MTOR: variants seen among roughly 807,000 people sequenced by gnomAD.
MTOR encodes mechanistic target of rapamycin kinase, also known as serine/threonine-protein kinase mTOR.
MTOR carries 70 observed loss-of-function variants against 319.8 expected under a neutral mutation model. That is an observed-to-expected ratio of 0.22 (90% CI 0.18 to 0.27). The LOEUF is 0.27. Ranked by LOEUF, MTOR falls within the 10% of genes least tolerant of loss-of-function variation. The pLI is 1.00. For missense variants in MTOR, 1,890 were observed against 3,274.4 expected, an observed-to-expected ratio of 0.58 and a Z score of 10.32; for synonymous variants, 1,183 against 1,211.4, an observed-to-expected ratio of 0.98 and a Z score of 0.49.
intron 16 of MTOR, 81 bp from the exon 17 acceptor site, chr1:11,231,515 T>C: frequency 2.0e-6 from 3 of 1,528,960 alleles, no homozygotes; most frequent in East Asian, 2.3e-5. Flanking sequence ...ATAATGATTA[T>C]AATGAAGTGT....
chr1:11,163,766 T>C (rs76603090), intron 29 of MTOR, among the ~76,000 whole-genome samples: 8,988 of 152,216 alleles, frequency 0.059, 372 homozygotes, highest in South Asian at 0.12. Flanking sequence ...CCAGAATCTA[T>C]GGGATACATT....
intron 30 of MTOR, among the ~76,000 whole-genome samples, chr1:11,156,493 CCT>C (rs1397849881): frequency 6.6e-6 from 1 of 152,088 alleles, no homozygotes; most frequent in African/African-American, 2.4e-5. Flanking sequence ...ACCTGGAGTA[CCT>C]GTTTCCCCCC....
chr1:11,167,987 G>A (rs907514543), intron 28 of MTOR, among the ~76,000 whole-genome samples: 10 of 151,882 alleles, frequency 6.6e-5, no homozygotes, highest in Non-Finnish European at 1.5e-4. Context: ...GGAGAATGGC[G>A]TGAACCTGGG....
In MTOR at chr1:11,228,932, A is replaced by T. The variant is rs1358143096; in HGVS notation, c.2780-14T>A. On this transcript the variant is annotated splice_polypyrimidine_tract_variant and intron_variant, in intron 18 of 57. Coordinates refer to ENST00000361445, the MANE Select transcript of MTOR (RefSeq NM_004958.4). ...TGCTATAGTCAGCTAGGACAAAACA[A>T]CAGAGAGTGTTAGAGCTACACATGG... The T allele has an allele frequency of 6.2e-7, 1 of 1,613,684 alleles. No individual in the cohort carries two copies. The highest frequency in any genetic ancestry group is 1.3e-5 in the African/African-American group (1 of 75,050).
chr1:11,262,180 G>C (rs1267368965), intron 1 of MTOR, among the ~76,000 whole-genome samples: 2 of 152,204 alleles, frequency 1.3e-5, no homozygotes, highest in African/African-American at 4.8e-5. Flanking sequence ...AGACCCAAAG[G>C]GCAATACCAG....
At chr1:11,250,492 C>A (rs944734545) in intron 6 of MTOR, among the ~76,000 whole-genome samples, 3 of 152,196 alleles carry the variant, frequency 2.0e-5, no homozygotes, top group African/African-American at 7.2e-5. Context: ...CCTGGCTTCT[C>A]AGACTCTAAA....
At chr1:11,222,539 C>T (rs1223668448) in intron 19 of MTOR, among the ~76,000 whole-genome samples, 1 of 151,984 alleles carries the variant, frequency 6.6e-6, no homozygotes, top group Non-Finnish European at 1.5e-5. Flanking sequence ...TTTTGCTATG[C>T]TGCCCAGGTT....
chr1:11,201,918 C>CT, intron 26 of MTOR, among the ~76,000 whole-genome samples: 1 of 152,108 alleles, frequency 6.6e-6, no homozygotes, highest in African/African-American at 2.4e-5. Flanking sequence ...AGTAATCCCC[C>CT]CGCCTTAGCC....
rs1216317039 is a variant in MTOR at position 11,133,123 on chromosome 1, T to C, written c.5321A>G (p.Gln1774Arg). ...INESTIPKVLQYYSAATEHDR... is the reference protein window; with the variant it reads ...INESTIPKVLRYYSAATEHDR... ...GTGCTCTGTGGCGGCGCTGTAGTAC[T>C]GCAGCACTTTGGGGATTGTGCTCTC... The change falls in exon 38 of 58, where the codon CAG becomes CGG. Residue 1774 changes from glutamine to arginine, a missense_variant. Coordinates refer to ENST00000361445, the MANE Select transcript of MTOR (RefSeq NM_004958.4). This position sits in a 1 kb window ranked among gnomAD's most constrained non-coding sequence, Gnocchi z 4.0. 1 of 1,614,204 alleles carries C rather than the reference T, an allele frequency of 6.2e-7. No homozygotes were observed. The highest frequency in any genetic ancestry group is 8.5e-7 in the Non-Finnish European group (1 of 1,180,034).
At chr1:11,137,357 A>C (rs925241327) in intron 36 of MTOR, among the ~76,000 whole-genome samples, 1 of 152,096 alleles carries the variant, frequency 6.6e-6, no homozygotes, top group Non-Finnish European at 1.5e-5. Flanking sequence ...TGGTGGACTT[A>C]ATAAGGAGCT....
intron 32 of MTOR, among the ~76,000 whole-genome samples, chr1:11,145,595 A>C (rs890461902): frequency 6.7e-6 from 1 of 149,980 alleles, no homozygotes; most frequent in African/African-American, 2.5e-5. Flanking sequence ...ATGTTGGTTC[A>C]AGCGATTCTC....
At chr1:11,243,738 C>T (rs1439663241) in intron 8 of MTOR, among the ~76,000 whole-genome samples, 2 of 150,922 alleles carry the variant, frequency 1.3e-5, no homozygotes, top group Non-Finnish European at 2.9e-5. Flanking sequence ...AACAATATCA[C>T]AGAATTGTCT....
chr1:11,153,946 G>A (rs1644231354), intron 30 of MTOR, among the ~76,000 whole-genome samples: 1 of 151,252 alleles, frequency 6.6e-6, no homozygotes, highest in Non-Finnish European at 1.5e-5. Flanking sequence ...GTGCATGCCT[G>A]TAATCCCAGC....
chr1:11,205,219 C>A (rs1646099972), intron 25 of MTOR, among the ~76,000 whole-genome samples: 1 of 152,312 alleles, frequency 6.6e-6, no homozygotes, highest in South Asian at 2.1e-4. Context: ...ACTCTATCCC[C>A]TCCAACTTCT....
At chr1:11,147,831 A>T (rs1442239319) in intron 31 of MTOR, among the ~76,000 whole-genome samples, 1 of 152,154 alleles carries the variant, frequency 6.6e-6, no homozygotes, top group Non-Finnish European at 1.5e-5. Context: ...TGGAACACAT[A>T]TTGATAATCC....
At position 11,107,520 on chromosome 1, in the gene MTOR, A is replaced by C; in HGVS notation, c.7635-20T>G. The C allele has an allele frequency of 6.2e-7, 1 of 1,611,816 alleles. No homozygotes were observed. The highest frequency in any genetic ancestry group is 1.1e-5 in the South Asian group (1 of 90,560). ...GGGCACCTAAGAAGGCAGAAAGAAA[A>C]GGAATATTTTAATAATTTGAGCTTC... On this transcript the variant is annotated intron_variant, in intron 57 of 57. Transcript: ENST00000361445.
chr1:11,192,958 T>C (rs758092352), intron 28 of MTOR, among the ~76,000 whole-genome samples: 1 of 152,078 alleles, frequency 6.6e-6, no homozygotes, highest in Admixed American at 6.5e-5. Flanking sequence ...TCTCTTGCCA[T>C]GTCCTAGAAC....
intron 4 of MTOR, 143 bp downstream of exon 4, chr1:11,256,790 G>T: frequency 1.3e-6 from 1 of 743,496 alleles, no homozygotes; most frequent in South Asian, 1.8e-5. Flanking sequence ...TCTTAAGGAC[G>T]GACTCTACCC....
chr1:11,227,297 C>CAAAAAAAAAAAAAA (rs59546882), intron 19 of MTOR, among the ~76,000 whole-genome samples: 1 of 74,016 alleles, frequency 1.4e-5, no homozygotes, highest in African/African-American at 8.0e-5. Context: ...GACTTTGTCT[C>CAAAAAAAAAAAAAA]AAAAAAAAAA....
Sources: allele counts gnomAD v4.1 joint callset (sites outside exome capture counted in the v4.1 genomes callset), GRCh38; gene constraint gnomAD v4.1.1; non-coding constraint Gnocchi (gnomAD v3.1); transcripts MANE v1.5; gene names NCBI Gene and HGNC (gene_info 2026-07-23, HGNC 2026-07-21).